The following RGS12 variants were observed in gnomAD, a reference collection of about 807,000 sequenced individuals.
RGS12 encodes regulator of G protein signaling 12, also known as regulator of G-protein signaling 12.
Under a neutral mutation model 120.1 loss-of-function variants are expected in RGS12, and 66 were observed. That is an observed-to-expected ratio of 0.55 (90% CI 0.45 to 0.67). The LOEUF (loss-of-function observed/expected upper bound fraction) is 0.67. Among genes scored for constraint, RGS12 ranks in the 30% least tolerant of loss-of-function variants. The pLI is 0.00. For missense variants in RGS12, 1,859 were observed against 1,957.7 expected, an observed-to-expected ratio of 0.95 and a Z score of 0.95; for synonymous variants, 827 against 804.7, an observed-to-expected ratio of 1.03 and a Z score of -0.47.
At chr4:3,322,048 T>C (rs1000526269) in intron 2 of RGS12, among the ~76,000 whole-genome samples, 1 of 152,244 alleles carries the variant, frequency 6.6e-6, no homozygotes, top group African/African-American at 2.4e-5. Flanking sequence ...AACGCTTTTG[T>C]CACTGCCGCC....
intron 3 of RGS12, among the ~76,000 whole-genome samples, chr4:3,373,220 C>T (rs1224765891): frequency 1.3e-5 from 2 of 152,238 alleles, no homozygotes; most frequent in Non-Finnish European, 2.9e-5. Context: ...GGCCCCATGC[C>T]ATTTGACTGG....
intron 4 of RGS12, among the ~76,000 whole-genome samples, chr4:3,405,888 GT>G (rs537757956): frequency 2.0e-4 from 30 of 150,648 alleles, no homozygotes; most frequent in Admixed American, 1.7e-3. Context: ...TTTTCTGCAA[GT>G]TTGAAATTAT....
intron 16 of RGS12, among the ~76,000 whole-genome samples, chr4:3,429,519 A>G (rs1306083702): frequency 6.6e-6 from 1 of 152,210 alleles, no homozygotes; most frequent in Non-Finnish European, 1.5e-5. Flanking sequence ...TGTTTCTGAG[A>G]ACCAGTGAAG....
intron 1 of RGS12, among the ~76,000 whole-genome samples, chr4:3,295,497 C>G (rs1293149370): frequency 2.0e-5 from 3 of 151,908 alleles, no homozygotes; most frequent in African/African-American, 7.3e-5. Context: ...CCCGTCTCTA[C>G]TAAAAATACA....
At chr4:3,423,673 C>G in intron 13 of RGS12, 32 bp downstream of exon 13, 1 of 1,587,566 alleles carries the variant, frequency 6.3e-7, no homozygotes, top group African/African-American at 1.3e-5. Flanking sequence ...GGCGTCGTCA[C>G]CGCAGGCACT....
intron 3 of RGS12, among the ~76,000 whole-genome samples, chr4:3,383,419 C>CA (rs1718471285): frequency 6.6e-6 from 1 of 151,962 alleles, no homozygotes; most frequent in Non-Finnish European, 1.5e-5. Context: ...CCAGCCTGGG[C>CA]AACAGAATGA....
intron 3 of RGS12, among the ~76,000 whole-genome samples, chr4:3,368,521 T>G (rs542333254): frequency 3.3e-4 from 34 of 103,906 alleles, no homozygotes; most frequent in African/African-American, 9.9e-4. Flanking sequence ...TGTGTGTGTG[T>G]GGGGTACGTG....
chr4:3,297,519 T>TC (rs1353461705), intron 1 of RGS12, among the ~76,000 whole-genome samples: 10 of 152,230 alleles, frequency 6.6e-5, no homozygotes, highest in African/African-American at 2.4e-4. Context: ...TCATAATCAC[T>TC]GCATTTTTGG....
At chr4:3,415,282 T>A (rs1227104250) in intron 6 of RGS12, among the ~76,000 whole-genome samples, 1 of 152,146 alleles carries the variant, frequency 6.6e-6, no homozygotes, top group Admixed American at 6.5e-5. Flanking sequence ...AAGTGGATGA[T>A]AAAATATTTT....
In RGS12 at chr4:3,439,663, T is replaced by G. The variant is rs1490113129; in HGVS notation, c.4323T>G (p.Ala1441=). The change falls in exon 18 of 18, where the codon GCT becomes GCG. Residue 1441 remains alanine (A), a synonymous_variant. Transcript: ENST00000336727. ...AGCCTGCTAAGCCCAAGACCAGCGC[T>G]CACCACGCCACCTTCGTCTGAGCTG... ...PGEPAKPKTS[A]HHATFV The G allele has an allele frequency of 2.6e-6, 4 of 1,548,854 alleles. No individual in the cohort carries two copies. Among genetic ancestry groups the G allele is most frequent in the Non-Finnish European group, 3.5e-6 (4 of 1,147,896 alleles).
intron 4 of RGS12, among the ~76,000 whole-genome samples, chr4:3,398,771 A>G (rs554085470): frequency 4.6e-5 from 7 of 152,280 alleles, no homozygotes; most frequent in African/African-American, 1.7e-4. Context: ...AAAGTATGTG[A>G]ATGGAAAAAT....
At chr4:3,363,068 AGT>A (rs1413462621) in intron 3 of RGS12, among the ~76,000 whole-genome samples, 4 of 142,480 alleles carry the variant, frequency 2.8e-5, no homozygotes, top group Non-Finnish European at 4.6e-5. Context: ...TGTGTGAAAT[AGT>A]GTGTGCGCAT....
chr4:3,318,438 T>C (rs1241472207), intron 2 of RGS12, among the ~76,000 whole-genome samples: 2 of 152,206 alleles, frequency 1.3e-5, no homozygotes, highest in African/African-American at 4.8e-5. Flanking sequence ...GACCCCAGAA[T>C]CTTCATCCCA....
chr4:3,399,065 G>T lies in RGS12; in HGVS notation c.2020+12628G>T, dbSNP rs867197520. On this transcript the variant is annotated intron_variant, in intron 4 of 17. Coordinates refer to ENST00000336727, the MANE Select transcript of RGS12 (RefSeq NM_001394154.1). ...ATGGGTCAAGGAAGAAATTAAAATG[G>T]GAGTTATCATACAGTTTAGAACCAT... Among the ~76,000 whole-genome samples, 6 of 152,142 alleles carry T rather than the reference G, an allele frequency of 3.9e-5. 1 individual carries two copies. Among genetic ancestry groups the T allele is most frequent in the Middle Eastern group, 3.4e-3 (1 of 294 alleles).
chr4:3,322,083 GC>G (rs34467233), intron 2 of RGS12, among the ~76,000 whole-genome samples: 9 of 152,336 alleles, frequency 5.9e-5, no homozygotes, highest in Middle Eastern at 3.4e-3. Flanking sequence ...TGCAGGCTCA[GC>G]CCGGGTTTCC....
chr4:3,331,831 A>G (rs574498955), intron 2 of RGS12, among the ~76,000 whole-genome samples: 47 of 152,336 alleles, frequency 3.1e-4, no homozygotes, highest in African/African-American at 1.1e-3. Context: ...CGGCGGCTCC[A>G]GGGAGAGGAG....
intron 2 of RGS12, among the ~76,000 whole-genome samples, chr4:3,333,985 T>G (rs891971323): frequency 3.3e-5 from 5 of 152,178 alleles, no homozygotes; most frequent in South Asian, 2.1e-4. Context: ...ATAAACATCT[T>G]TAATTAAATT....
rs1337685447 is a variant in RGS12, at chr4:3,431,728, C to T, written c.4114+773C>T. On this transcript the variant is annotated intron_variant, in intron 17 of 17. Coordinates refer to ENST00000336727, the MANE Select transcript of RGS12 (RefSeq NM_001394154.1). ...GTGGCCATCCCCTGGAGAGAGGAGC[C>T]GCTCAGGGTGCGCGTCATGGAGTGT... 73 of 985,456 alleles carry T rather than the reference C, an allele frequency of 7.4e-5. 1 individual carries two copies. Among genetic ancestry groups the T allele is most frequent in the South Asian group, 9.4e-5 (2 of 21,296 alleles). 61.0% of individuals were successfully genotyped at this position (985,456 alleles called of 1,614,324 possible).
chr4:3,417,555 C>T lies in RGS12; in HGVS notation c.2761+14C>T, dbSNP rs535401235. On this transcript the variant is annotated intron_variant, in intron 9 of 17. Transcript: ENST00000336727. The stretch of plus-strand genomic sequence containing the variant: ...ACCACGCAGACGGTTTGTGGGGTGG[C>T]TCCTGGGCTGTGGTGTCCAGGCCAG... The T allele has an allele frequency of 8.7e-6, 14 of 1,611,516 alleles. No individual in the cohort carries two copies. In the South Asian group the frequency reaches 1.1e-4, roughly 13 times the overall value.
Sources: gnomAD v4.1 joint callset for allele counts (sites outside exome capture counted in the v4.1 genomes callset) on GRCh38, gnomAD v4.1.1 for gene constraint, MANE v1.5 for transcripts, NCBI Gene and HGNC (gene_info 2026-07-23, HGNC 2026-07-21) for gene names.